PHEX: variants seen among roughly 807,000 people sequenced by gnomAD.
PHEX encodes the protein phosphate-regulating neutral endopeptidase PHEX.
Under a neutral mutation model 68.0 loss-of-function variants are expected in PHEX, and 16 were observed. The observed-to-expected ratio is 0.24, with a 90% CI of 0.16 to 0.36. The LOEUF is 0.36. Ranked by LOEUF, PHEX falls within the 10% of genes least tolerant of loss-of-function variation. The pLI, the probability that PHEX is intolerant of heterozygous loss-of-function variation, is 1.00. For synonymous variants in PHEX, 208 were observed against 205.1 expected (o/e 1.01, Z -0.12); for missense variants, 480 against 575.5 (o/e 0.83, Z 1.70).
chrX:22,229,263 G>A (rs1347652416), intron 20 of PHEX, among the ~76,000 whole-genome samples: 1 of 111,786 alleles, frequency 8.9e-6, no homozygotes, highest in Non-Finnish European at 1.9e-5. Flanking sequence ...ACCCAGTAAT[G>A]GGATGGCTGG....
chrX:22,120,453 G>A (rs5951701), intron 11 of PHEX, among the ~76,000 whole-genome samples: 29,027 of 110,820 alleles, frequency 0.26, 6,563 homozygotes, highest in African/African-American at 0.74. Context: ...GATCCTAAAA[G>A]GGCATACATT....
chrX:22,043,249 T>C (rs771338835), intron 2 of PHEX, among the ~76,000 whole-genome samples: 5 of 112,408 alleles, frequency 4.4e-5, no homozygotes, highest in African/African-American at 1.6e-4. Flanking sequence ...ACAGGATGCT[T>C]AGTGAAATTT....
intron 12 of PHEX, among the ~76,000 whole-genome samples, chrX:22,150,577 C>T (rs967127783): frequency 8.9e-6 from 1 of 111,859 alleles, no homozygotes; most frequent in Non-Finnish European, 1.9e-5. Flanking sequence ...CTGAATTTGT[C>T]TTACAGGCCG....
intron 12 of PHEX, 115 bp downstream of exon 12, chrX:22,133,739 C>A: frequency 1.8e-6 from 1 of 555,966 alleles, no homozygotes; most frequent in Non-Finnish European, 3.0e-6. Flanking sequence ...CTCTGAATGA[C>A]CCCAGAGTTA....
At chrX:22,213,716 A>C (rs1935002499) in intron 16 of PHEX, among the ~76,000 whole-genome samples, 1 of 112,337 alleles carries the variant, frequency 8.9e-6, no homozygotes, top group Non-Finnish European at 1.9e-5. Flanking sequence ...AATGCTTGGA[A>C]AATTTTAGTC....
chrX:22,181,690 A>AATC (rs1432988532), intron 14 of PHEX, among the ~76,000 whole-genome samples: 1 of 111,843 alleles, frequency 8.9e-6, no homozygotes, highest in Admixed American at 9.5e-5. Flanking sequence ...TTTTCACAGT[A>AATC]TTGATTCTTC....
rs1449003586 is a variant in PHEX, at chrX:22,163,747, C to G, written c.1405-4565C>G. On this transcript the variant is annotated intron_variant, in intron 12 of 21. Coordinates refer to ENST00000379374, the MANE Select transcript of PHEX (RefSeq NM_000444.6). ...ATGTAACCAATAGGGTAATTAATCTCAGACCTGACTCACTAATACTTTGCC... is the reference window on the plus strand; with the variant it reads ...ATGTAACCAATAGGGTAATTAATCTGAGACCTGACTCACTAATACTTTGCC... Among the ~76,000 whole-genome samples the G allele has an allele frequency of 4.5e-5, 5 of 112,133 alleles. 1 individual carries two copies. The Admixed American group carries it at 4.8e-4, about 11-fold the overall frequency.
At chrX:22,132,534 GA>G (rs1163012212) in intron 11 of PHEX, among the ~76,000 whole-genome samples, 1 of 112,080 alleles carries the variant, frequency 8.9e-6, no homozygotes, top group Non-Finnish European at 1.9e-5. Context: ...AATCTGGAAA[GA>G]ACTGGGGTCC....
At chrX:22,233,074 T>C (rs1398798091) in intron 20 of PHEX, among the ~76,000 whole-genome samples, 2 of 111,797 alleles carry the variant, frequency 1.8e-5, no homozygotes, top group East Asian at 2.8e-4. Flanking sequence ...TTTGGCTGGA[T>C]ATGAAATTGT....
At chrX:22,238,782 G>A (rs763304435) in intron 20 of PHEX, among the ~76,000 whole-genome samples, 1 of 111,900 alleles carries the variant, frequency 8.9e-6, no homozygotes, top group South Asian at 3.8e-4. Flanking sequence ...CCATCTCCCT[G>A]GGACAGAGCA....
intron 3 of PHEX, among the ~76,000 whole-genome samples, chrX:22,060,391 A>C (rs2147001023): frequency 9.0e-6 from 1 of 110,978 alleles, no homozygotes; most frequent in East Asian, 2.8e-4. Context: ...CTGGGAGCTA[A>C]GTCCTAAGGG....
chrX:22,178,557 T>G (rs989779805), intron 14 of PHEX, among the ~76,000 whole-genome samples, 181 bp downstream of exon 14: 3 of 111,706 alleles, frequency 2.7e-5, no homozygotes, highest in Non-Finnish European at 5.7e-5. Flanking sequence ...ATTCAGATCT[T>G]AAGTCTAATT....
chrX:22,236,158 C>T (rs953539605), intron 20 of PHEX, among the ~76,000 whole-genome samples: 1 of 112,092 alleles, frequency 8.9e-6, no homozygotes, highest in African/African-American at 3.2e-5. Context: ...TCTTCCCCTT[C>T]AGATGATTAT....
chrX:22,052,332 T>G (rs7050918), intron 3 of PHEX, among the ~76,000 whole-genome samples: 10,382 of 111,598 alleles, frequency 0.093, 726 homozygotes, highest in African/African-American at 0.24. Context: ...GGTTCAAGTG[T>G]TTCTCATGCC....
Position 22,226,358 on chromosome X carries a change from C to T in PHEX, c.1900-85C>T, listed in dbSNP as rs780456652. On this transcript the variant is annotated intron_variant, in intron 18 of 21. Transcript: ENST00000379374. ...TCTTTAAAATATGATACTTTTCTTG[C>T]TATAATATTGATGCCTCTTGCTGAA... 7.1e-5 allele frequency: 46 copies of T among 643,639 alleles called. No individual in the cohort carries two copies. The South Asian group carries it at 1.0e-3, about 14-fold the overall frequency. The allele number at this position is 643,639 out of a possible 1,213,427, so 53.0% of individuals were successfully genotyped here.
In PHEX at chrX:22,245,337, G is replaced by A; in HGVS notation, c.2075G>A (p.Arg692Lys). ...TGGGATGCTTTTCTCTTCTAGGTGAGGTGCAATTCCTACAGACCAGAAGCT... is the reference window on the plus strand; with the variant it reads ...TGGGATGCTTTTCTCTTCTAGGTGAAGTGCAATTCCTACAGACCAGAAGCT... ...QLFFLSYAHV[R>K]CNSYRPEAAR... Residue 692 changes from arginine to lysine, a missense_variant, in exon 21 of 22, where the codon AGG becomes AAG. Transcript: ENST00000379374. The A allele has an allele frequency of 8.3e-7, 1 of 1,201,584 alleles. No homozygotes were observed.
intron 8 of PHEX, chrX:22,097,621 A>G (rs1406503771): frequency 3.6e-6 from 1 of 276,191 alleles, no homozygotes; most frequent in East Asian, 2.3e-4. Context: ...GCAAGTGAGT[A>G]ACTGGTTTTC....
At chrX:22,196,695 A>C (rs67745103) in intron 15 of PHEX, among the ~76,000 whole-genome samples, 1 of 112,449 alleles carries the variant, frequency 8.9e-6, no homozygotes, top group East Asian at 2.8e-4. Flanking sequence ...AATCAAATTA[A>C]AGAAGTATCT....
chrX:22,226,379 C>T, intron 18 of PHEX, 64 bp from the exon 19 acceptor site: 1 of 788,752 alleles, frequency 1.3e-6, no homozygotes. Context: ...ATGCCTCTTG[C>T]TGAATGATAG....
Sources: gnomAD v4.1 joint callset for allele counts (sites outside exome capture counted in the v4.1 genomes callset) on GRCh38, gnomAD v4.1.1 for gene constraint, MANE v1.5 for transcripts, NCBI Gene and HGNC (gene_info 2026-07-23, HGNC 2026-07-21) for gene names.